Variants in SLC4A4 observed in about 807,000 individuals in gnomAD.
The protein encoded by SLC4A4 is electrogenic sodium bicarbonate cotransporter 1.
In SLC4A4, 27 loss-of-function variants were observed where a neutral mutation model predicts 111.5. The observed-to-expected ratio is 0.24, with a 90% CI of 0.18 to 0.33. The LOEUF (loss-of-function observed/expected upper bound fraction) is 0.33, where lower values mean the gene tolerates loss of function less well. SLC4A4 is among the 10% of genes least tolerant of loss of function. The probability of loss-of-function intolerance (pLI) is 1.00; values close to 1 mark genes in which losing one functional copy is unlikely to be tolerated. For synonymous variants in SLC4A4, 443 were observed against 463.4 expected (o/e 0.96, Z 0.57); for missense variants, 909 against 1,315.5 (o/e 0.69, Z 4.78).
chr4:71,100,516 A>AC (rs1047126340), intron 2 of SLC4A4, among the ~76,000 whole-genome samples: 1 of 152,116 alleles, frequency 6.6e-6, no homozygotes, highest in African/African-American at 2.4e-5. Context: ...AGCTGGAAGC[A>AC]CCCCCCTTGA....
chr4:71,213,885 C>T lies in SLC4A4; in HGVS notation c.-1-22691C>T, dbSNP rs191091909. The stretch of plus-strand genomic sequence containing the variant: ...GAACGGAATCAGCTAGCACCTGGAT[C>T]TTGGACGTCCAAGTCTTCAGAATTG... On this transcript the variant is annotated intron_variant, in intron 1 of 25. Transcript: ENST00000264485. Among the ~76,000 whole-genome samples, 244 of 152,282 alleles carry T rather than the reference C, an allele frequency of 1.6e-3. 2 individuals carry two copies. Among genetic ancestry groups the T allele is most frequent in the African/African-American group, 5.6e-3 (234 of 41,550 alleles).
At chr4:71,547,840 A>G in intron 20 of SLC4A4, 120 bp downstream of exon 20, 1 of 853,490 alleles carries the variant, frequency 1.2e-6, no homozygotes, top group Non-Finnish European at 2.0e-6. Context: ...TAACACACTG[A>G]AGCAGGGGTC....
At chr4:71,480,077 A>C (rs1245409218) in intron 14 of SLC4A4, among the ~76,000 whole-genome samples, 1 of 146,374 alleles carries the variant, frequency 6.8e-6, no homozygotes, top group East Asian at 2.0e-4. Context: ...ACTGGAATGC[A>C]GTGGCATGAT....
chr4:71,087,845 T>G (rs1412494136), intron 1 of SLC4A4, among the ~76,000 whole-genome samples: 1 of 152,030 alleles, frequency 6.6e-6, no homozygotes, highest in Non-Finnish European at 1.5e-5. Context: ...AGTTTTGGAA[T>G]AGGTGTGGTG....
At chr4:71,314,545 T>C (rs1726508168) in intron 3 of SLC4A4, among the ~76,000 whole-genome samples, 1 of 152,028 alleles carries the variant, frequency 6.6e-6, no homozygotes. Flanking sequence ...TGACTGGATA[T>C]AGAAAATGTG....
At chr4:71,280,262 T>C (rs1723406303) in intron 3 of SLC4A4, among the ~76,000 whole-genome samples, 1 of 152,258 alleles carries the variant, frequency 6.6e-6, no homozygotes, top group Admixed American at 6.5e-5. Flanking sequence ...TTTCTTTGGC[T>C]ATTGAGTTGC....
chr4:71,188,984 G>C (rs1745612716), intron 1 of SLC4A4, among the ~76,000 whole-genome samples: 1 of 152,180 alleles, frequency 6.6e-6, no homozygotes, highest in Non-Finnish European at 1.5e-5. Flanking sequence ...TGTTTTAACT[G>C]TATCCCACAC....
At chr4:71,397,842 G>A (rs1031819356) in intron 7 of SLC4A4, among the ~76,000 whole-genome samples, 189 bp downstream of exon 7, 7 of 152,116 alleles carry the variant, frequency 4.6e-5, no homozygotes, top group East Asian at 3.9e-4. Flanking sequence ...AAAAATGTGC[G>A]TTTACTTCAG....
intron 1 of SLC4A4, among the ~76,000 whole-genome samples, chr4:71,088,354 A>G (rs1302393395): frequency 6.6e-6 from 1 of 151,332 alleles, no homozygotes; most frequent in African/African-American, 2.4e-5. Flanking sequence ...TTGACTCTTT[A>G]TCCAATTTGC....
chr4:71,080,143 A>G (rs1367190509), intron 1 of SLC4A4, among the ~76,000 whole-genome samples: 1 of 152,046 alleles, frequency 6.6e-6, no homozygotes. Flanking sequence ...GGCAGTTGTT[A>G]CCTTGACAGC....
intron 6 of SLC4A4, among the ~76,000 whole-genome samples, chr4:71,371,191 T>A (rs1457970755): frequency 6.6e-6 from 1 of 151,636 alleles, no homozygotes; most frequent in Non-Finnish European, 1.5e-5. Flanking sequence ...TCCTATATCA[T>A]GGAAAATCCT....
chr4:71,407,871 T>C (rs1320306611), intron 7 of SLC4A4, among the ~76,000 whole-genome samples: 1 of 151,802 alleles, frequency 6.6e-6, no homozygotes, highest in African/African-American at 2.4e-5. Flanking sequence ...GAATAGAGAG[T>C]TACAACACAC....
At chr4:71,234,457 A>G (rs975864849) in intron 1 of SLC4A4, among the ~76,000 whole-genome samples, 12 of 152,026 alleles carry the variant, frequency 7.9e-5, no homozygotes, top group African/African-American at 1.2e-4. Flanking sequence ...ACGGAGTCTC[A>G]CTCTTTCGCC....
chr4:71,319,377 A>G (rs1726947046), intron 3 of SLC4A4, among the ~76,000 whole-genome samples: 1 of 151,970 alleles, frequency 6.6e-6, no homozygotes, highest in Admixed American at 6.6e-5. Flanking sequence ...ACTGAGGTTT[A>G]TCTATCTTGG....
At chr4:71,355,793 G>C (rs1237995602) in intron 5 of SLC4A4, among the ~76,000 whole-genome samples, 2 of 152,226 alleles carry the variant, frequency 1.3e-5, no homozygotes, top group Non-Finnish European at 2.9e-5. Flanking sequence ...ACAAAGAAGT[G>C]GGAATCCTTG....
At chr4:71,295,807 C>T (rs1223342803) in intron 3 of SLC4A4, among the ~76,000 whole-genome samples, 2 of 152,054 alleles carry the variant, frequency 1.3e-5, no homozygotes, top group Admixed American at 1.3e-4. Flanking sequence ...TATAGACGCA[C>T]ACCACCATGC....
At chr4:71,247,457 C>T (rs919775088) in intron 2 of SLC4A4, among the ~76,000 whole-genome samples, 2 of 151,884 alleles carry the variant, frequency 1.3e-5, no homozygotes, top group Non-Finnish European at 2.9e-5. Flanking sequence ...ACCCTTCATC[C>T]TATTGCCCAG....
intron 3 of SLC4A4, among the ~76,000 whole-genome samples, chr4:71,311,888 T>TGCGA (rs1491510042): frequency 1.3e-3 from 40 of 31,566 alleles, no homozygotes; most frequent in East Asian, 3.5e-3. Context: ...TGTGCAAGGC[T>TGCGA]GTGAGAGAGA....
At chr4:71,542,948 C>G (rs1394513988) in intron 18 of SLC4A4, among the ~76,000 whole-genome samples, 1 of 152,138 alleles carries the variant, frequency 6.6e-6, no homozygotes, top group Non-Finnish European at 1.5e-5. Flanking sequence ...GTGGTACGCA[C>G]TGTGCCAAGT....
Sources: allele counts gnomAD v4.1 joint callset (sites outside exome capture counted in the v4.1 genomes callset), GRCh38; gene constraint gnomAD v4.1.1; transcripts MANE v1.5; gene names NCBI Gene and HGNC (gene_info 2026-07-23, HGNC 2026-07-21).